The following TSHZ1 variants were observed in gnomAD, a reference collection of about 807,000 sequenced individuals.
TSHZ1 encodes teashirt zinc finger homeobox 1, also known as teashirt homolog 1.
In TSHZ1, 12 loss-of-function variants were observed where a neutral mutation model predicts 67.1. That is an observed-to-expected ratio of 0.18 (90% CI 0.11 to 0.29). The LOEUF (loss-of-function observed/expected upper bound fraction) is 0.29. Ranked by LOEUF, TSHZ1 falls within the 10% of genes least tolerant of loss-of-function variation. The probability of loss-of-function intolerance (pLI) is 1.00; values close to 1 mark genes in which losing one functional copy is unlikely to be tolerated. For missense variants in TSHZ1, 1,305 were observed against 1,413.9 expected (o/e 0.92, Z 1.23); for synonymous variants, 632 against 622.4 (o/e 1.02, Z -0.23).
intron 1 of TSHZ1, among the ~76,000 whole-genome samples, chr18:75,269,804 C>T (rs7241339): frequency 0.52 from 79,423 of 151,906 alleles, 21,228 homozygotes; most frequent in South Asian, 0.65. Context: ...GAACAGTACC[C>T]CTCGTTCCCA....
Position 75,287,168 on chromosome 18 carries a change from C to A in TSHZ1, c.1761C>A (p.Gly587=). Residue 587 remains glycine (G), a synonymous_variant, in exon 2 of 2, where the codon GGC becomes GGA. Coordinates refer to ENST00000580243, the MANE Select transcript of TSHZ1 (RefSeq NM_001308210.2). The surrounding 1 kb of genome is among the most constrained non-coding windows in gnomAD (Gnocchi z 5.0). ...PSIHAAYQLP[G]TVKPLPAAVQ... Reference sequence around the variant, plus strand: ...TCCATGCAGCCTACCAGCTCCCGGGCACCGTGAAGCCACTGCCGGCGGCCG... The same window carrying A: ...TCCATGCAGCCTACCAGCTCCCGGGAACCGTGAAGCCACTGCCGGCGGCCG... 5.6e-6 allele frequency: 9 copies of A among 1,613,794 alleles called. No homozygotes were observed. The highest frequency in any genetic ancestry group is 7.6e-6 in the Non-Finnish European group (9 of 1,179,900).
chr18:75,273,813 A>G (rs936205132), intron 1 of TSHZ1, among the ~76,000 whole-genome samples: 1 of 152,248 alleles, frequency 6.6e-6, no homozygotes, highest in Admixed American at 6.5e-5. Flanking sequence ...AACAAGATTT[A>G]ATTAAAGAAT....
Position 75,285,749 on chromosome 18 carries a change from A to C in TSHZ1, c.342A>C (p.Ala114=), listed in dbSNP as rs779121169. ...DSVSYPQDSL[A]QIKAVYANLF... is the part of the protein sequence containing the mutation. ...TCTCGTACCCCCAGGACAGCCTGGC[A>C]CAGATCAAAGCTGTGTATGCAAACT... The change falls in exon 2 of 2, where the codon GCA becomes GCC. Residue 114 remains alanine (A), a synonymous_variant. Transcript: ENST00000580243. 2 of 1,614,102 alleles carry C rather than the reference A, an allele frequency of 1.2e-6. No individual in the cohort carries two copies. Among genetic ancestry groups the C allele is most frequent in the Non-Finnish European group, 8.5e-7 (1 of 1,180,008 alleles).
At chr18:75,232,831 G>T (rs1348877343) in intron 1 of TSHZ1, among the ~76,000 whole-genome samples, 1 of 152,218 alleles carries the variant, frequency 6.6e-6, no homozygotes, top group Non-Finnish European at 1.5e-5. Context: ...TTAAACATGA[G>T]ATTTTCTACA....
chr18:75,242,365 C>G lies in TSHZ1; in HGVS notation c.40+30449C>G, dbSNP rs11874850. ...CAGGGAGTCATCGCATCTACAGGCA[C>G]TTACTCAGCAGCTGCAAGGAACCTA... On this transcript the variant is annotated intron_variant, in intron 1 of 1. Coordinates refer to ENST00000580243, the MANE Select transcript of TSHZ1 (RefSeq NM_001308210.2). 2.3e-3 allele frequency among the ~76,000 whole-genome samples: 347 copies of G among 152,306 alleles called. 2 individuals are homozygous for G. Among genetic ancestry groups the G allele is most frequent in the African/African-American group, 7.9e-3 (327 of 41,566 alleles).
chr18:75,279,934 A>G (rs897630314), intron 1 of TSHZ1, among the ~76,000 whole-genome samples: 3 of 152,216 alleles, frequency 2.0e-5, no homozygotes, highest in African/African-American at 7.2e-5. Context: ...GGCTGAACTG[A>G]AAATATTGAA....
At chr18:75,219,994 T>C (rs926853342) in intron 1 of TSHZ1, among the ~76,000 whole-genome samples, 14 of 152,162 alleles carry the variant, frequency 9.2e-5, no homozygotes, top group African/African-American at 3.1e-4. Context: ...CACACTGAAA[T>C]AGAAAAACCT....
intron 1 of TSHZ1, among the ~76,000 whole-genome samples, chr18:75,254,777 C>G (rs1473657542): frequency 6.6e-6 from 1 of 152,206 alleles, no homozygotes; most frequent in Non-Finnish European, 1.5e-5. Flanking sequence ...TCACTGATCG[C>G]TCACAGGTTT....
chr18:75,216,653 C>T (rs949005498), intron 1 of TSHZ1, among the ~76,000 whole-genome samples: 2 of 152,306 alleles, frequency 1.3e-5, no homozygotes, highest in Non-Finnish European at 2.9e-5. Flanking sequence ...CTATTCTGGT[C>T]GTTGGATGGC....
At chr18:75,224,102 TA>T (rs2022886579) in intron 1 of TSHZ1, among the ~76,000 whole-genome samples, 1 of 150,002 alleles carries the variant, frequency 6.7e-6, no homozygotes, top group African/African-American at 2.5e-5. Flanking sequence ...TTTTTTTTTT[TA>T]AAGGAAGGGA....
chr18:75,233,784 G>A (rs2023030085), intron 1 of TSHZ1, among the ~76,000 whole-genome samples: 1 of 152,202 alleles, frequency 6.6e-6, no homozygotes, highest in African/African-American at 2.4e-5. Context: ...TGCATACTCT[G>A]AATTGTCGAA....
chr18:75,270,122 C>T (rs765241424), intron 1 of TSHZ1, among the ~76,000 whole-genome samples: 10 of 152,150 alleles, frequency 6.6e-5, no homozygotes, highest in Non-Finnish European at 1.3e-4. Flanking sequence ...TGGCCCATTG[C>T]GGCATTATGA....
chr18:75,223,199 A>G lies in TSHZ1; in HGVS notation c.40+11283A>G, dbSNP rs571295098. Among the ~76,000 whole-genome samples the G allele has an allele frequency of 2.6e-5, 4 of 152,350 alleles. No homozygotes were observed. The South Asian group carries it at 6.2e-4, about 24-fold the overall frequency. On this transcript the variant is annotated intron_variant, in intron 1 of 1. Transcript: ENST00000580243. ...GGCGGTACAAGGGATTTAGGGATACATGGAAATTATATATATATAAATTCG... is the reference window on the plus strand; with the variant it reads ...GGCGGTACAAGGGATTTAGGGATACGTGGAAATTATATATATATAAATTCG...
chr18:75,240,551 G>A (rs1268275532), intron 1 of TSHZ1, among the ~76,000 whole-genome samples: 1 of 152,200 alleles, frequency 6.6e-6, no homozygotes, highest in Non-Finnish European at 1.5e-5. Context: ...TGTGAACAGT[G>A]AGATTTTATG....
intron 1 of TSHZ1, among the ~76,000 whole-genome samples, chr18:75,250,448 C>G (rs560529665): frequency 1.2e-4 from 19 of 152,242 alleles, no homozygotes; most frequent in Admixed American, 7.8e-4. Flanking sequence ...GTCCTCCCTG[C>G]AGCAAGGGGC....
At chr18:75,276,050 T>C (rs1045358450) in intron 1 of TSHZ1, among the ~76,000 whole-genome samples, 1 of 152,254 alleles carries the variant, frequency 6.6e-6, no homozygotes, top group Non-Finnish European at 1.5e-5. Flanking sequence ...AAGTACATTG[T>C]TGACAAACTC....
intron 1 of TSHZ1, among the ~76,000 whole-genome samples, chr18:75,277,786 C>T (rs1042024398): frequency 3.3e-5 from 5 of 152,088 alleles, no homozygotes; most frequent in African/African-American, 7.2e-5. Flanking sequence ...ACATTCAGAC[C>T]GCAGCAGCTG....
At chr18:75,242,076 A>G (rs1041732426) in intron 1 of TSHZ1, among the ~76,000 whole-genome samples, 1 of 151,746 alleles carries the variant, frequency 6.6e-6, no homozygotes, top group Non-Finnish European at 1.5e-5. Flanking sequence ...ATACCAAAGG[A>G]CAAAATTACA....
intron 1 of TSHZ1, 149 bp from the exon 2 acceptor site, chr18:75,285,299 C>G (rs1192628510): frequency 1.1e-6 from 1 of 936,332 alleles, no homozygotes. Context: ...CTAACTCCTG[C>G]AAAGGGGTAG....
Sources: gnomAD v4.1 joint callset for allele counts (sites outside exome capture counted in the v4.1 genomes callset) on GRCh38, gnomAD v4.1.1 for gene constraint, Gnocchi (gnomAD v3.1) non-coding constraint, MANE v1.5 for transcripts, NCBI Gene and HGNC (gene_info 2026-07-23, HGNC 2026-07-21) for gene names.